The following MALT1 variants were observed in gnomAD, a reference collection of about 807,000 sequenced individuals.
MALT1 encodes MALT1 paracaspase, also known as mucosa-associated lymphoid tissue lymphoma translocation protein 1.
Under a neutral mutation model 85.5 loss-of-function variants are expected in MALT1, and 36 were observed. The observed-to-expected ratio is 0.42, with a 90% CI of 0.32 to 0.56. The LOEUF is 0.56. MALT1 is among the 20% of genes least tolerant of loss of function. The pLI is 0.10. For synonymous variants in MALT1, 359 were observed against 361.3 expected (o/e 0.99, Z 0.07); for missense variants, 716 against 981.6 (o/e 0.73, Z 3.62).
At chr18:58,729,483 C>A (rs1469073376) in intron 10 of MALT1, among the ~76,000 whole-genome samples, 2 of 109,474 alleles carry the variant, frequency 1.8e-5, no homozygotes, top group Non-Finnish European at 3.9e-5. Flanking sequence ...GAGTGAAACT[C>A]CGTCTCAAAA....
chr18:58,735,429 T>C, intron 13 of MALT1, 100 bp downstream of exon 13: 1 of 1,326,560 alleles, frequency 7.5e-7, no homozygotes, highest in South Asian at 1.5e-5. Context: ...ATTCTTATTA[T>C]GTGGGTTTGG....
intron 11 of MALT1, 94 bp from the exon 12 acceptor site, chr18:58,734,210 TAAA>T: frequency 9.1e-7 from 1 of 1,099,092 alleles, no homozygotes; most frequent in Non-Finnish European, 1.3e-6. Context: ...TTATGTATTC[TAAA>T]AAACTGTTGT....
intron 9 of MALT1, among the ~76,000 whole-genome samples, chr18:58,717,660 C>T (rs1426835150): frequency 6.7e-6 from 1 of 149,928 alleles, no homozygotes; most frequent in Non-Finnish European, 1.5e-5. Context: ...GCACGAGAAT[C>T]ACTTGAACCC....
At chr18:58,704,809 A>G (rs1369788153) in intron 4 of MALT1, among the ~76,000 whole-genome samples, 3 of 150,056 alleles carry the variant, frequency 2.0e-5, no homozygotes, top group Non-Finnish European at 3.0e-5. Context: ...TTTAGTTTGG[A>G]ATGTCTTTGT....
At position 58,751,427 on chromosome 18, in the gene MALT1, C is replaced by G. The variant is rs1190521827; in HGVS notation, c.*3585C>G. Reference sequence around the variant, plus strand: ...TTTTTTTTAAGACAGAGTCCTGGCTCTGTCGCCCAGGCTGGAGTGCAGCGA... The same window carrying G: ...TTTTTTTTAAGACAGAGTCCTGGCTGTGTCGCCCAGGCTGGAGTGCAGCGA... On this transcript the variant is annotated 3_prime_UTR_variant, in exon 17 of 17. Transcript: ENST00000649217. 1 of 151,684 alleles carries G rather than the reference C, an allele frequency of 6.6e-6. No homozygotes were observed. The highest frequency in any genetic ancestry group is 2.4e-5 in the African/African-American group (1 of 41,322). 9.4% of individuals were successfully genotyped at this position (151,684 alleles called of 1,614,324 possible). A position where few individuals can be genotyped will look rare whatever the true frequency, so the allele number is the denominator to read the frequency against.
rs1332003914 is a variant in MALT1 at position 58,700,523 on chromosome 18, A to G, written c.581A>G (p.Asn194Ser). ...GGCTTTTATGTCTGTCGAGTTAATAACAATTTCACCTTTGAATTCAGCCAG... is the reference window on the plus strand; with the variant it reads ...GGCTTTTATGTCTGTCGAGTTAATAGCAATTTCACCTTTGAATTCAGCCAG... ...DAGFYVCRVN[N>S]NFTFEFSQWS... Residue 194 changes from asparagine (N) to serine (S), a missense_variant, in exon 4 of 17, where the codon AAC becomes AGC. Around this residue, in one of 4 missense-constraint regions of MALT1, gnomAD observed 290 missense variants for 380.5 expected, o/e 0.76. Transcript: ENST00000649217. The G allele has an allele frequency of 1.2e-6, 2 of 1,613,336 alleles. No homozygotes were observed. The highest frequency in any genetic ancestry group is 8.5e-7 in the Non-Finnish European group (1 of 1,179,814).
chr18:58,701,638 A>G (rs528777457), intron 4 of MALT1, among the ~76,000 whole-genome samples: 1 of 152,182 alleles, frequency 6.6e-6, no homozygotes, highest in African/African-American at 2.4e-5. Flanking sequence ...TGTTACAGCT[A>G]TTTTAAACTA....
At chr18:58,678,179 CATT>C (rs1365352278) in intron 1 of MALT1, among the ~76,000 whole-genome samples, 1 of 152,126 alleles carries the variant, frequency 6.6e-6, no homozygotes, top group Non-Finnish European at 1.5e-5. Flanking sequence ...AAATAATCAA[CATT>C]ATCACTGAAT....
At chr18:58,739,363 C>G (rs1193924718) in intron 13 of MALT1, among the ~76,000 whole-genome samples, 1 of 152,084 alleles carries the variant, frequency 6.6e-6, no homozygotes, top group Non-Finnish European at 1.5e-5. Context: ...CAGTGGCATA[C>G]AGAGTATCAG....
At chr18:58,732,573 G>A (rs2055165658) in intron 10 of MALT1, among the ~76,000 whole-genome samples, 1 of 152,092 alleles carries the variant, frequency 6.6e-6, no homozygotes. Context: ...GGTAATACCT[G>A]CAGTTTCTTG....
intron 2 of MALT1, among the ~76,000 whole-genome samples, chr18:58,692,409 T>C (rs1352517148): frequency 3.6e-5 from 1 of 27,686 alleles, no homozygotes; most frequent in Non-Finnish European, 6.8e-5. Flanking sequence ...TGGCCATTCC[T>C]CTCTCTCTCT....
At chr18:58,713,616 A>G (rs1459042149) in intron 7 of MALT1, among the ~76,000 whole-genome samples, 1 of 152,220 alleles carries the variant, frequency 6.6e-6, no homozygotes, top group African/African-American at 2.4e-5. Flanking sequence ...TGTGACAAAT[A>G]TACTATTCTA....
intron 2 of MALT1, among the ~76,000 whole-genome samples, chr18:58,687,790 C>T (rs2054427010): frequency 6.6e-6 from 1 of 152,190 alleles, no homozygotes; most frequent in Admixed American, 6.5e-5. Context: ...ATTTATCTTT[C>T]TTATAATTTC....
At position 58,748,631 on chromosome 18, in the gene MALT1, C is replaced by T. The variant is rs1404874441; in HGVS notation, c.*789C>T. The stretch of plus-strand genomic sequence containing the variant: ...ATGGATAATTTTCATAGCTGCCTAT[C>T]AGAATTTCCCAAATATTTAGCATCT... On this transcript the variant is annotated 3_prime_UTR_variant, in exon 17 of 17. Coordinates refer to ENST00000649217, the MANE Select transcript of MALT1 (RefSeq NM_006785.4). The T allele has an allele frequency of 5.2e-6, 1 of 190,714 alleles. No homozygotes were observed. Among genetic ancestry groups the T allele is most frequent in the Non-Finnish European group, 1.1e-5 (1 of 90,698 alleles). 11.8% of individuals were successfully genotyped at this position (190,714 alleles called of 1,614,324 possible).
chr18:58,695,548 A>G (rs1277808810), intron 2 of MALT1, among the ~76,000 whole-genome samples: 1 of 152,218 alleles, frequency 6.6e-6, no homozygotes, highest in Non-Finnish European at 1.5e-5. Context: ...CTAAATAATA[A>G]TGCAGTCATT....
At chr18:58,727,915 T>G (rs541522552) in intron 10 of MALT1, among the ~76,000 whole-genome samples, 1 of 152,158 alleles carries the variant, frequency 6.6e-6, no homozygotes, top group Admixed American at 6.5e-5. Flanking sequence ...ACCTACTTTG[T>G]TGTGAGGATT....
rs1351671443 is a variant in MALT1 at position 58,709,468 on chromosome 18, A to G, written c.740A>G (p.Gln247Arg). The G allele has an allele frequency of 9.3e-6, 15 of 1,613,330 alleles. No individual in the cohort carries two copies. Among genetic ancestry groups the G allele is most frequent in the Non-Finnish European group, 1.3e-5 (15 of 1,179,704 alleles). ...ATGCCAGGCAGCACATTGGTTTTAC[A>G]GTGTGTTGCTGTTGGAAGCCCTATT... ...KLMPGSTLVL[Q>R]CVAVGSPIPH... The change falls in exon 5 of 17, where the codon CAG (glutamine) becomes CGG (arginine). Residue 247 changes from glutamine to arginine, a missense_variant. Transcript: ENST00000649217.
intron 1 of MALT1, among the ~76,000 whole-genome samples, chr18:58,679,255 T>C (rs2054285186): frequency 1.3e-5 from 2 of 152,278 alleles, no homozygotes; most frequent in African/African-American, 2.4e-5. Context: ...TGTTAAATAC[T>C]GGTATTTTTA....
chr18:58,695,565 C>T (rs564440995), intron 2 of MALT1, among the ~76,000 whole-genome samples: 2 of 152,146 alleles, frequency 1.3e-5, no homozygotes, highest in South Asian at 4.1e-4. Flanking sequence ...CATTTGAAGA[C>T]GTTTTCAATG....
Sources: allele counts gnomAD v4.1 joint callset (sites outside exome capture counted in the v4.1 genomes callset), GRCh38; gene constraint gnomAD v4.1.1; regional missense constraint gnomAD v4.1.1; transcripts MANE v1.5; gene names NCBI Gene and HGNC (gene_info 2026-07-23, HGNC 2026-07-21).